SLC66A2: variants seen among roughly 807,000 people sequenced by gnomAD.
The protein encoded by SLC66A2 is PQ loop repeat containing 1.
SLC66A2 carries 23 observed loss-of-function variants against 25.5 expected under a neutral mutation model. That is an observed-to-expected ratio of 0.90 (90% CI 0.65 to 1.28). The LOEUF is 1.28. Ranked by LOEUF, SLC66A2 falls within the 50% of genes most tolerant of loss-of-function variation. The pLI is 0.00. For synonymous variants in SLC66A2, 193 were observed against 166.5 expected (o/e 1.16, Z -1.23); for missense variants, 396 against 373.1 (o/e 1.06, Z -0.51).
rs567849987 is a variant in SLC66A2, at chr18:79,935,090, C to T, written c.338-1068G>A. ...CTGTTGCTTTGATTTAGACAACATCCCTCTCCACGGGCGCCTCTTCTAAAG... is the reference window on the plus strand; with the variant it reads ...CTGTTGCTTTGATTTAGACAACATCTCTCTCCACGGGCGCCTCTTCTAAAG... On this transcript the variant is annotated intron_variant, in intron 3 of 5. Coordinates refer to ENST00000397778, the MANE Select transcript of SLC66A2 (RefSeq NM_025078.5). Among the ~76,000 whole-genome samples, 13 of 152,160 alleles carry T rather than the reference C, an allele frequency of 8.5e-5. No homozygotes were observed. The East Asian group carries it at 2.1e-3, about 25-fold the overall frequency.
At chr18:79,914,126 G>T (rs1348889127) in intron 5 of SLC66A2, among the ~76,000 whole-genome samples, 1 of 152,186 alleles carries the variant, frequency 6.6e-6, no homozygotes, top group African/African-American at 2.4e-5. Context: ...GGCTGGTCTT[G>T]AACTCCTAAC....
intron 5 of SLC66A2, chr18:79,915,794 C>T (rs955941143): frequency 6.6e-6 from 1 of 152,374 alleles, no homozygotes; most frequent in African/African-American, 2.4e-5. Flanking sequence ...ACCTGCACCT[C>T]CTGGGATCCC....
intron 2 of SLC66A2, among the ~76,000 whole-genome samples, chr18:79,946,931 C>T (rs149180310): frequency 0.015 from 2,241 of 152,230 alleles, 27 homozygotes; most frequent in Non-Finnish European, 0.022. Flanking sequence ...TGCCACTACA[C>T]TCCAGCCTGG....
At position 79,940,548 on chromosome 18, in the gene SLC66A2, G is replaced by A. The variant is rs1599641480; in HGVS notation, c.337+2781C>T. Among the ~76,000 whole-genome samples, 1 of 151,816 alleles carries A rather than the reference G, an allele frequency of 6.6e-6. No homozygotes were observed. The highest frequency in any genetic ancestry group is 6.6e-5 in the Admixed American group (1 of 15,250). On this transcript the variant is annotated intron_variant, in intron 3 of 5. Transcript: ENST00000397778. The surrounding 1 kb of genome is among the most constrained non-coding windows in gnomAD (Gnocchi z 4.1). ...ACAACCTTCCCTTAAAGGTGACGCC[G>A]CTGACAGGAAGACAAGGCTGGCCAC...
rs148467522 is a variant in SLC66A2, at chr18:79,916,165, G to A, written c.608+3019C>T. Among the ~76,000 whole-genome samples, 46 of 41,534 alleles carry A rather than the reference G, an allele frequency of 1.1e-3. 1 individual carries two copies. The East Asian group carries it at 0.034, about 31-fold the overall frequency. The allele number at this position is 41,534 out of a possible 152,430, so 27.2% of individuals were successfully genotyped here. ...CCGTACCCGCGGCGCTCTCGTACCC[G>A]CAGTGCTCCCGTACCCTCCCATACC... On this transcript the variant is annotated intron_variant, in intron 5 of 5. Transcript: ENST00000397778.
At position 79,938,145 on chromosome 18, in the gene SLC66A2, CAA is replaced by C. The variant is rs61104575; in HGVS notation, c.338-4125_338-4124del. ...TGGGCAACAGAGTGAGACCCTGTCT[CAA>C]AAAAAAAAAAAAGAAAGAAAGAAAA... On this transcript the variant is annotated intron_variant, in intron 3 of 5. Transcript: ENST00000397778. 5.4e-3 allele frequency among the ~76,000 whole-genome samples: 736 copies of C among 135,744 alleles called. 1 individual carries two copies. The highest frequency in any genetic ancestry group is 8.8e-3 in the African/African-American group (316 of 36,112). 89.1% of individuals were successfully genotyped at this position (135,744 alleles called of 152,430 possible).
In SLC66A2 at chr18:79,919,201, C is replaced by G; in HGVS notation, c.591G>C (p.Gln197His). The G allele has an allele frequency of 6.2e-7, 1 of 1,613,136 alleles. No individual in the cohort carries two copies. Among genetic ancestry groups the G allele is most frequent in the Non-Finnish European group, 8.5e-7 (1 of 1,180,002 alleles). The change falls in exon 5 of 6, where the codon CAG becomes CAC. Residue 197 changes from glutamine (Q) to histidine (H), a missense_variant. Gln to His is a conservative substitution (Grantham distance 24). Transcript: ENST00000397778. ...CGGCCTACCTCATGCCCTCCGTGGA[C>G]TGGTGGCGGTGGTTGCGGTAAAGCT... ...VPQLYRNHRH[Q>H]STEGMSIKMV...
chr18:79,931,218 ATAT>A (rs1445419376), intron 4 of SLC66A2, among the ~76,000 whole-genome samples: 1 of 152,254 alleles, frequency 6.6e-6, no homozygotes. Flanking sequence ...AAATCTGAAC[ATAT>A]TATAACATTA....
In SLC66A2 at chr18:79,918,510, G is replaced by A. The variant is rs990446169; in HGVS notation, c.608+674C>T. ...GGTCCCCAGTGAGGAGCGGGCCTGG[G>A]GGTCGAAAGTGTGAGGGACTAGAGT... On this transcript the variant is annotated intron_variant, in intron 5 of 5. Transcript: ENST00000397778. This position sits in a 1 kb window ranked among gnomAD's most constrained non-coding sequence, Gnocchi z 4.0. Among the ~76,000 whole-genome samples, 2 of 152,048 alleles carry A rather than the reference G, an allele frequency of 1.3e-5. No homozygotes were observed. The highest frequency in any genetic ancestry group is 2.1e-4 in the South Asian group (1 of 4,824).
chr18:79,945,612 C>T (rs1165387004), intron 2 of SLC66A2, among the ~76,000 whole-genome samples: 2 of 152,110 alleles, frequency 1.3e-5, no homozygotes, highest in African/African-American at 2.4e-5. Flanking sequence ...GGATAGAGGA[C>T]GGCCAGCAGC....
rs1007481250 is a variant in SLC66A2, at chr18:79,927,149, C to T, written c.391+6820G>A. 2.0e-5 allele frequency among the ~76,000 whole-genome samples: 3 copies of T among 152,270 alleles called. No homozygotes were observed. The highest frequency in any genetic ancestry group is 7.2e-5 in the African/African-American group (3 of 41,472). On this transcript the variant is annotated intron_variant, in intron 4 of 5. Coordinates refer to ENST00000397778, the MANE Select transcript of SLC66A2 (RefSeq NM_025078.5). The surrounding 1 kb of genome is among the most constrained non-coding windows in gnomAD (Gnocchi z 6.2). The stretch of plus-strand genomic sequence containing the variant: ...CTGCTGCGTCTGCTTCTCCACCCCA[C>T]TCCAGCTGAGCAGGCAGAGCCTGTC...
intron 4 of SLC66A2, among the ~76,000 whole-genome samples, chr18:79,931,866 A>G (rs1986605404): frequency 6.6e-6 from 1 of 152,036 alleles, no homozygotes; most frequent in African/African-American, 2.4e-5. Flanking sequence ...ATACAAAAAA[A>G]ATTGGCCAGG....
chr18:79,946,897 G>A (rs1031306752), intron 2 of SLC66A2, among the ~76,000 whole-genome samples: 11 of 152,010 alleles, frequency 7.2e-5, no homozygotes, highest in African/African-American at 2.7e-4. Flanking sequence ...CCCGGGAGGC[G>A]GTGGGTGCAG....
rs1038347764 is a variant in SLC66A2, at chr18:79,927,976, C to T, written c.391+5993G>A. On this transcript the variant is annotated intron_variant, in intron 4 of 5. Coordinates refer to ENST00000397778, the MANE Select transcript of SLC66A2 (RefSeq NM_025078.5). This position sits in a 1 kb window ranked among gnomAD's most constrained non-coding sequence, Gnocchi z 6.2. ...CTCAGCCTCCTCTCATCTTCAGGAG[C>T]CTTTTCCCCCCTTTACCCTAACTGA... Among the ~76,000 whole-genome samples the T allele has an allele frequency of 3.3e-5, 5 of 152,206 alleles. No individual in the cohort carries two copies. The highest frequency in any genetic ancestry group is 1.2e-4 in the African/African-American group (5 of 41,450).
At chr18:79,943,593 A>G in intron 2 of SLC66A2, 131 bp from the exon 3 acceptor site, 2 of 1,079,288 alleles carry the variant, frequency 1.9e-6, no homozygotes, top group South Asian at 3.1e-5. Flanking sequence ...CTGAACCTGC[A>G]GCCGGAGAGA....
chr18:79,913,673 G>C (rs1983571810), intron 5 of SLC66A2, among the ~76,000 whole-genome samples: 1 of 152,258 alleles, frequency 6.6e-6, no homozygotes. Context: ...ACGAGACACA[G>C]GACTTTCCAG....
In SLC66A2 at chr18:79,919,567, TCAAGGTCAGTGAGGAGAGACG is replaced by T. The variant is rs1384495089; in HGVS notation, c.392-188_392-168del. Among the ~76,000 whole-genome samples, 40 of 55,160 alleles carry T rather than the reference TCAAGGTCAGTGAGGAGAGACG, an allele frequency of 7.3e-4. 15 individuals carry two copies. Among genetic ancestry groups the T allele is most frequent in the Admixed American group, 9.3e-4 (4 of 4,320 alleles). The allele number at this position is 55,160 out of a possible 152,430, so 36.2% of individuals were successfully genotyped here. A position where few individuals can be genotyped will look rare whatever the true frequency, so the allele number is the denominator to read the frequency against. ...GGAGAGACAGGAACCGAGGGAGAGGTCAAGGTCAGTGAGGAGAGACGGGAACCGAGGGAGAGGTCAAGGTCA... is the reference window on the plus strand; with the variant it reads ...GGAGAGACAGGAACCGAGGGAGAGGTGGAACCGAGGGAGAGGTCAAGGTCA... On this transcript the variant is annotated intron_variant, in intron 4 of 5. Transcript: ENST00000397778.
rs972872044 is a variant in SLC66A2, at chr18:79,904,790, A to C, written c.609-607T>G. ...ATCCCAGTCCGAACACGCTTCCCCCACCGCTGTGTTCATGCCCTGGCTTGC... is the reference window on the plus strand; with the variant it reads ...ATCCCAGTCCGAACACGCTTCCCCCCCCGCTGTGTTCATGCCCTGGCTTGC... On this transcript the variant is annotated intron_variant, in intron 5 of 5. Coordinates refer to ENST00000397778, the MANE Select transcript of SLC66A2 (RefSeq NM_025078.5). The surrounding 1 kb of genome is among the most constrained non-coding windows in gnomAD (Gnocchi z 6.3). Among the ~76,000 whole-genome samples the C allele has an allele frequency of 7.2e-5, 11 of 152,114 alleles. No homozygotes were observed. The highest frequency in any genetic ancestry group is 2.4e-4 in the African/African-American group (10 of 41,428).
intron 3 of SLC66A2, among the ~76,000 whole-genome samples, chr18:79,936,387 T>C (rs1235213738): frequency 6.6e-6 from 1 of 152,260 alleles, no homozygotes; most frequent in African/African-American, 2.4e-5. Flanking sequence ...TTTCCAGCTT[T>C]CTTGAATTAT....
Sources: gnomAD v4.1 joint callset for allele counts (sites outside exome capture counted in the v4.1 genomes callset) on GRCh38, gnomAD v4.1.1 for gene constraint, Gnocchi (gnomAD v3.1) non-coding constraint, MANE v1.5 for transcripts, NCBI Gene and HGNC (gene_info 2026-07-23, HGNC 2026-07-21) for gene names.